BLTP1: variants seen among roughly 807,000 people sequenced by gnomAD.
BLTP1 encodes bridge-like lipid transfer protein family member 1.
the BLTP1 span, among the ~76,000 whole-genome samples, chr4:122,222,252 T>C: frequency 1.3e-5 from 2 of 152,306 alleles, no homozygotes; most frequent in East Asian, 3.9e-4. Flanking sequence ...CTATCTAATG[T>C]TCTTTCACAG....
At chr4:122,354,123 C>G in the BLTP1 span, 2 of 982,014 alleles carry the variant, frequency 2.0e-6, no homozygotes, top group Non-Finnish European at 1.5e-6. Context: ...TTTCCTTAAA[C>G]AATTTTCATT....
At chr4:122,321,588 T>C in the BLTP1 span, among the ~76,000 whole-genome samples, 1 of 152,106 alleles carries the variant, frequency 6.6e-6, no homozygotes, top group Admixed American at 6.5e-5. Flanking sequence ...TCAAATACAT[T>C]ATTGGTATTA....
the BLTP1 span, chr4:122,306,483 C>A: frequency 1.3e-6 from 1 of 772,810 alleles, no homozygotes; most frequent in Non-Finnish European, 1.6e-6. Flanking sequence ...ACAGTGGAGT[C>A]AGAGATGTGT....
At chr4:122,330,181 G>C in the BLTP1 span, among the ~76,000 whole-genome samples, 1 of 151,786 alleles carries the variant, frequency 6.6e-6, no homozygotes, top group Non-Finnish European at 1.5e-5. Context: ...AAATGCTGCA[G>C]TGAACTTGGG....
At chr4:122,325,254 G>A in the BLTP1 span, 1 of 1,608,590 alleles carries the variant, frequency 6.2e-7, no homozygotes, top group South Asian at 1.1e-5. Context: ...AAACTGAAGA[G>A]CTCCCAGAAA....
chr4:122,188,164 T>C, the BLTP1 span: 13 of 1,282,336 alleles, frequency 1.0e-5, no homozygotes, highest in African/African-American at 2.0e-4. Flanking sequence ...TAACATCCTT[T>C]TACTTTTTTT....
At chr4:122,248,880 T>A in the BLTP1 span, 6 of 164,746 alleles carry the variant, frequency 3.6e-5, no homozygotes, top group African/African-American at 1.2e-4. Context: ...AATGGTAAAT[T>A]TACATGTGTT....
chr4:122,189,106 A>T, the BLTP1 span: 1 of 957,050 alleles, frequency 1.0e-6, no homozygotes. Context: ...AATTATAGAG[A>T]GTAAGATGAA....
the BLTP1 span, chr4:122,345,937 T>C: frequency 2.7e-6 from 2 of 738,218 alleles, no homozygotes; most frequent in South Asian, 1.2e-4. Flanking sequence ...CTTAGATGAC[T>C]GAAGGAGCAG....
chr4:122,201,137 A>C, the BLTP1 span: 1 of 1,589,786 alleles, frequency 6.3e-7, no homozygotes, highest in Non-Finnish European at 8.6e-7. Flanking sequence ...GTAATTTTCT[A>C]ATAGATATAA....
At chr4:122,278,504 C>T in the BLTP1 span, among the ~76,000 whole-genome samples, 10 of 152,250 alleles carry the variant, frequency 6.6e-5, no homozygotes, top group Middle Eastern at 3.4e-3. Context: ...AAAGCTTTCC[C>T]GAGCATTTTT....
At chr4:122,359,672 G>A in the BLTP1 span, 4 of 1,612,328 alleles carry the variant, frequency 2.5e-6, no homozygotes, top group Middle Eastern at 3.3e-4. Flanking sequence ...ATACTACTGT[G>A]GACTGGAGAG....
chr4:122,330,892 A>G, the BLTP1 span: 8 of 559,410 alleles, frequency 1.4e-5, no homozygotes, highest in African/African-American at 1.2e-4. Flanking sequence ...GTATAACATA[A>G]GGGTTCAATT....
the BLTP1 span, chr4:122,230,290 G>A: frequency 1.7e-6 from 2 of 1,174,768 alleles, no homozygotes; most frequent in Non-Finnish European, 2.5e-6. Context: ...AAATTCTACT[G>A]AGAGAATGGA....
the BLTP1 span, chr4:122,194,544 A>G: frequency 7.8e-6 from 7 of 892,630 alleles, no homozygotes; most frequent in Non-Finnish European, 9.4e-6. Flanking sequence ...ATAGAGCTAC[A>G]TCTATTTAAA....
At chr4:122,327,565 C>G in the BLTP1 span, among the ~76,000 whole-genome samples, 1 of 151,532 alleles carries the variant, frequency 6.6e-6, no homozygotes, top group Admixed American at 6.6e-5. Flanking sequence ...TATTACTCGG[C>G]TATTTGCACA....
the BLTP1 span, among the ~76,000 whole-genome samples, chr4:122,260,555 C>CT: frequency 3.3e-5 from 5 of 152,096 alleles, no homozygotes; most frequent in African/African-American, 1.2e-4. Flanking sequence ...GATTGAAAGA[C>CT]TAAAACTTTT....
chr4:122,287,387 T>A, the BLTP1 span: 7 of 158,842 alleles, frequency 4.4e-5, no homozygotes, highest in African/African-American at 1.4e-4. Context: ...TTCATTTGAT[T>A]TGTGGTAAGC....
At chr4:122,205,214 T>C in the BLTP1 span, among the ~76,000 whole-genome samples, 1 of 151,886 alleles carries the variant, frequency 6.6e-6, no homozygotes, top group Non-Finnish European at 1.5e-5. Context: ...CTACTTTAAA[T>C]ATTTCACAGT....
Sources: allele counts gnomAD v4.1 joint callset (sites outside exome capture counted in the v4.1 genomes callset), GRCh38; gene constraint gnomAD v4.1.1; transcripts MANE v1.5; gene names NCBI Gene and HGNC (gene_info 2026-07-23, HGNC 2026-07-21).